Variants in SPTBN4 observed in about 807,000 individuals in gnomAD.
SPTBN4 encodes the protein spectrin beta chain, non-erythrocytic 4.
SPTBN4 carries 96 observed loss-of-function variants against 277.8 expected under a neutral mutation model. The ratio of observed to expected loss-of-function variants is 0.35; its 90% CI spans 0.29 to 0.41. The LOEUF is 0.41. SPTBN4 is among the 10% of genes least tolerant of loss of function. The probability of loss-of-function intolerance (pLI) is 1.00; values close to 1 mark genes in which losing one functional copy is unlikely to be tolerated. For missense variants in SPTBN4, 3,006 were observed against 3,595.7 expected (o/e 0.84, Z 4.19); for synonymous variants, 1,481 against 1,580.3 (o/e 0.94, Z 1.49).
At chr19:40,574,026 C>T (rs1165844) in intron 35 of SPTBN4, among the ~76,000 whole-genome samples, 2 of 152,046 alleles carry the variant, frequency 1.3e-5, no homozygotes, top group Non-Finnish European at 2.9e-5. Context: ...GGCTTGAACC[C>T]GGGAGGTGGA....
intron 20 of SPTBN4, among the ~76,000 whole-genome samples, chr19:40,545,136 C>T (rs986290061): frequency 2.6e-5 from 4 of 151,764 alleles, no homozygotes; most frequent in South Asian, 4.2e-4. Flanking sequence ...TGCTGTGTCA[C>T]CCAGGCTGAA....
chr19:40,535,964 A>C (rs1275168608), intron 20 of SPTBN4, among the ~76,000 whole-genome samples: 1 of 152,110 alleles, frequency 6.6e-6, no homozygotes, highest in Non-Finnish European at 1.5e-5. Flanking sequence ...CATCTCAAAA[A>C]ATAAAAAAAT....
At position 40,502,288 on chromosome 19, in the gene SPTBN4, C is replaced by A. The variant is rs1382650188; in HGVS notation, c.1058C>A (p.Ala353Asp). Residue 353 changes from alanine (A) to aspartate (D), a missense_variant, in exon 9 of 36, where the codon GCC becomes GAC. Coordinates refer to ENST00000598249, the MANE Select transcript of SPTBN4 (RefSeq NM_020971.3). The surrounding 1 kb of genome is among the most constrained non-coding windows in gnomAD (Gnocchi z 4.9). ...GVQQQLQAFT[A>D]YCTLEKPVKF... ...CAGCAGCAACTCCAGGCTTTCACGGCCTATTGCACGCTGGAGAAGCCTGTC... is the reference window on the plus strand; with the variant it reads ...CAGCAGCAACTCCAGGCTTTCACGGACTATTGCACGCTGGAGAAGCCTGTC... 6.2e-7 allele frequency: 1 copy of A among 1,613,554 alleles called. No individual in the cohort carries two copies. Among genetic ancestry groups the A allele is most frequent in the East Asian group, 2.2e-5 (1 of 44,874 alleles).
rs892455733 is a variant in SPTBN4, at chr19:40,560,703, AG to A, written c.5915+302del. The A allele has an allele frequency of 4.3e-6, 6 of 1,411,200 alleles. No homozygotes were observed. The highest frequency in any genetic ancestry group is 1.4e-5 in the African/African-American group (1 of 69,220). The allele number at this position is 1,411,200 out of a possible 1,614,324, so 87.4% of individuals were successfully genotyped here. A position where few individuals can be genotyped will look rare whatever the true frequency, so the allele number is the denominator to read the frequency against. On this transcript the variant is annotated intron_variant, in intron 27 of 35. Coordinates refer to ENST00000598249, the MANE Select transcript of SPTBN4 (RefSeq NM_020971.3). The surrounding 1 kb of genome is among the most constrained non-coding windows in gnomAD (Gnocchi z 5.2). ...AGGCTAAAGACAGGATGGGCAAGGG[AG>A]GTGTGGGACTGTATTTGTGAGGGTG... is the stretch of plus-strand genomic sequence containing the variant.
Position 40,490,578 on chromosome 19 carries a change from C to G in SPTBN4, c.495+330C>G, listed in dbSNP as rs2145829177. Among the ~76,000 whole-genome samples the G allele has an allele frequency of 6.6e-6, 1 of 152,272 alleles. No individual in the cohort carries two copies. Among genetic ancestry groups the G allele is most frequent in the South Asian group, 2.1e-4 (1 of 4,828 alleles). On this transcript the variant is annotated intron_variant, in intron 4 of 35. Coordinates refer to ENST00000598249, the MANE Select transcript of SPTBN4 (RefSeq NM_020971.3). This position sits in a 1 kb window ranked among gnomAD's most constrained non-coding sequence, Gnocchi z 4.3. The stretch of plus-strand genomic sequence containing the variant: ...AGGTGGTGTCATCTGCCCAAGATCA[C>G]ATATACCTGGGTGTTGGAGCTGAAA...
chr19:40,483,988 G>A (rs915453878), intron 2 of SPTBN4, among the ~76,000 whole-genome samples: 3 of 152,092 alleles, frequency 2.0e-5, no homozygotes, highest in African/African-American at 4.8e-5. Context: ...GAGGTGGAAC[G>A]ATGGCTTGAG....
At position 40,523,475 on chromosome 19, in the gene SPTBN4, G is replaced by A; in HGVS notation, c.3693G>A (p.Val1231=). 3.1e-6 allele frequency: 5 copies of A among 1,612,716 alleles called. No homozygotes were observed. The highest frequency in any genetic ancestry group is 4.2e-6 in the Non-Finnish European group (5 of 1,179,422). The change falls in exon 17 of 36, where the codon GTG becomes GTA. Residue 1231 remains valine, a synonymous_variant. Coordinates refer to ENST00000598249, the MANE Select transcript of SPTBN4 (RefSeq NM_020971.3). ...CTGGTGCGGAGCTCCCGGGCACAGT[G>A]GAATCGGTGGAGGAGGCCTTGAAAC... is the stretch of plus-strand genomic sequence containing the variant. The part of the protein sequence containing the change: ...ALSGAELPGT[V]ESVEEALKQH...
At chr19:40,485,864 A>G (rs2080065791) in intron 2 of SPTBN4, among the ~76,000 whole-genome samples, 1 of 152,128 alleles carries the variant, frequency 6.6e-6, no homozygotes, top group African/African-American at 2.4e-5. Flanking sequence ...ACGTTTCTCC[A>G]AAGATATACA....
At chr19:40,487,630 G>T (rs1454566964) in intron 2 of SPTBN4, 67 bp from the exon 3 acceptor site, 3 of 1,555,044 alleles carry the variant, frequency 1.9e-6, no homozygotes, top group African/African-American at 2.7e-5. Flanking sequence ...GTCTGAGCAG[G>T]CTTGGCTCGC....
At chr19:40,534,909 A>G (rs1381988875) in intron 20 of SPTBN4, 1 of 156,346 alleles carries the variant, frequency 6.4e-6, no homozygotes, top group African/African-American at 2.4e-5. Context: ...TCTGCTTTGT[A>G]TCTGCTCCCA....
chr19:40,554,766 C>G lies in SPTBN4; in HGVS notation c.5084+120C>G, dbSNP rs1243339653. The stretch of plus-strand genomic sequence containing the variant: ...TGGGAGAGGTCCTCCTTGCTGTGTG[C>G]TGGAGCCCTCGAATTTGGCAAGTGG... On this transcript the variant is annotated intron_variant, in intron 24 of 35. Transcript: ENST00000598249. This position sits in a 1 kb window ranked among gnomAD's most constrained non-coding sequence, Gnocchi z 5.7. The G allele has an allele frequency of 1.4e-6, 2 of 1,468,664 alleles. No homozygotes were observed. The highest frequency in any genetic ancestry group is 1.4e-5 in the African/African-American group (1 of 71,374). 91.0% of individuals were successfully genotyped at this position (1,468,664 alleles called of 1,614,324 possible).
At chr19:40,563,429 CACGAGCCACAAAT>C (rs1180861071) in intron 27 of SPTBN4, among the ~76,000 whole-genome samples, 1 of 151,982 alleles carries the variant, frequency 6.6e-6, no homozygotes, top group Non-Finnish European at 1.5e-5. Context: ...AGTTATATAA[CACGAGCCACAAAT>C]GCGAGCCACA....
At chr19:40,556,997 C>G in intron 25 of SPTBN4, 26 bp from the exon 26 acceptor site, 19 of 352,914 alleles carry the variant, frequency 5.4e-5, no homozygotes, top group Non-Finnish European at 6.8e-5. Flanking sequence ...CTTTGCTGTA[C>G]CCCCCCCCCC....
At chr19:40,559,678 A>G (rs2081021887) in intron 26 of SPTBN4, among the ~76,000 whole-genome samples, 1 of 152,138 alleles carries the variant, frequency 6.6e-6, no homozygotes, top group Non-Finnish European at 1.5e-5. Context: ...CAAAACCCAA[A>G]AGATAGAGTG....
rs542561786 is a variant in SPTBN4, at chr19:40,490,111, C to T, written c.358C>T (p.Leu120=). The change falls in exon 4 of 36, where the codon CTG becomes TTG. Residue 120 remains leucine, a synonymous_variant. Coordinates refer to ENST00000598249, the MANE Select transcript of SPTBN4 (RefSeq NM_020971.3). This position sits in a 1 kb window ranked among gnomAD's most constrained non-coding sequence, Gnocchi z 4.3. ...GCGCGGCCGCATGCGGATCCACTCA[C>T]TGGAGAACGTGGACAAGGCGCTGCA... ...PTRGRMRIHS[L]ENVDKALQFL... is the part of the protein sequence containing the mutation. 1 of 1,613,924 alleles carries T rather than the reference C, an allele frequency of 6.2e-7. No homozygotes were observed. The highest frequency in any genetic ancestry group is 1.1e-5 in the South Asian group (1 of 91,038).
intron 22 of SPTBN4, among the ~76,000 whole-genome samples, chr19:40,552,432 G>A (rs1219532466): frequency 7.5e-6 from 1 of 134,010 alleles, no homozygotes; most frequent in Admixed American, 8.1e-5. Flanking sequence ...TACAGCCTGA[G>A]TGTCAAGAGC....
chr19:40,564,477 C>T (rs1385013892), intron 27 of SPTBN4, among the ~76,000 whole-genome samples: 1 of 152,172 alleles, frequency 6.6e-6, no homozygotes, highest in African/African-American at 2.4e-5. Flanking sequence ...CCTTGGAGAG[C>T]ACAGACTTGG....
intron 22 of SPTBN4, among the ~76,000 whole-genome samples, chr19:40,551,867 G>C (rs1223735321): frequency 1.3e-5 from 2 of 152,018 alleles, no homozygotes; most frequent in Non-Finnish European, 2.9e-5. Context: ...AGTAGAAGGT[G>C]CCTGTAATCC....
chr19:40,540,427 A>G lies in SPTBN4; in HGVS notation c.4359+6084A>G, dbSNP rs549934469. On this transcript the variant is annotated intron_variant, in intron 20 of 35. Coordinates refer to ENST00000598249, the MANE Select transcript of SPTBN4 (RefSeq NM_020971.3). The stretch of plus-strand genomic sequence containing the variant: ...TTTTAATTTATTTTTATTTTTTGAT[A>G]GATGGGGTCTCACTATGTTACCCAG... 2.3e-3 allele frequency among the ~76,000 whole-genome samples: 356 copies of G among 151,844 alleles called. 2 individuals are homozygous for G. The highest frequency in any genetic ancestry group is 7.7e-3 in the African/African-American group (320 of 41,446).
Sources: allele counts gnomAD v4.1 joint callset (sites outside exome capture counted in the v4.1 genomes callset), GRCh38; gene constraint gnomAD v4.1.1; non-coding constraint Gnocchi (gnomAD v3.1); transcripts MANE v1.5; gene names NCBI Gene and HGNC (gene_info 2026-07-23, HGNC 2026-07-21).